The following MRO variants were observed in gnomAD, a reference collection of about 807,000 sequenced individuals.
MRO encodes protein maestro.
MRO carries 28 observed loss-of-function variants against 31.0 expected under a neutral mutation model. The ratio of observed to expected loss-of-function variants is 0.90; its 90% CI spans 0.67 to 1.24. MRO has a LOEUF of 1.24. Among genes scored for constraint, MRO ranks in the 50% most tolerant of loss-of-function variants. The pLI is 0.00. For missense variants in MRO, 332 were observed against 289.2 expected (o/e 1.15, Z -1.07); for synonymous variants, 108 against 108.4 (o/e 1.00, Z 0.02).
At chr18:50,818,898 C>T (rs1300837328) in intron 2 of MRO, among the ~76,000 whole-genome samples, 2 of 151,928 alleles carry the variant, frequency 1.3e-5, no homozygotes, top group Non-Finnish European at 2.9e-5. Flanking sequence ...ACTAAAAATA[C>T]AAAAATTAGC....
intron 4 of MRO, 88 bp from the exon 5 acceptor site, chr18:50,805,424 C>T (rs1913829572): frequency 1.9e-6 from 2 of 1,040,836 alleles, no homozygotes; most frequent in East Asian, 5.0e-5. Context: ...TACTAATAAC[C>T]TAGGACTTGA....
intron 5 of MRO, among the ~76,000 whole-genome samples, chr18:50,803,637 C>T (rs907749813): frequency 3.9e-5 from 6 of 152,196 alleles, no homozygotes; most frequent in Admixed American, 1.3e-4. Flanking sequence ...GACCTTCGCC[C>T]GCTCCCTCCC....
chr18:50,815,334 G>C (rs1197343824), intron 2 of MRO: 1 of 269,594 alleles, frequency 3.7e-6, no homozygotes, highest in African/African-American at 2.3e-5. Context: ...TTTTGCCGTG[G>C]TGGGAACTTT....
upstream of MRO, chr18:50,823,827 CA>C: frequency 4.9e-6 from 1 of 206,168 alleles, no homozygotes; most frequent in Non-Finnish European, 1.0e-5. Flanking sequence ...ATTGGTGGCC[CA>C]AAAATGTGTT....
chr18:50,799,800 A>C (rs1208988161), intron 7 of MRO, among the ~76,000 whole-genome samples: 1 of 152,140 alleles, frequency 6.6e-6, no homozygotes, highest in African/African-American at 2.4e-5. Flanking sequence ...AATCTCAGCT[A>C]CTCAAGAAGC....
intron 2 of MRO, among the ~76,000 whole-genome samples, chr18:50,810,588 C>T (rs941954737): frequency 6.6e-6 from 1 of 152,174 alleles, no homozygotes; most frequent in Non-Finnish European, 1.5e-5. Context: ...ATATGTACAG[C>T]TTGTAATTTT....
At chr18:50,822,379 G>C (rs139530314), upstream of MRO, among the ~76,000 whole-genome samples, 21,384 of 152,024 alleles carry the variant, frequency 0.14, 1,498 homozygotes, top group Middle Eastern at 0.16. Flanking sequence ...CACTCTGTCA[G>C]CCAGGCTGGA....
At chr18:50,806,091 T>C (rs1445454454) in intron 4 of MRO, among the ~76,000 whole-genome samples, 1 of 151,940 alleles carries the variant, frequency 6.6e-6, no homozygotes, top group Admixed American at 6.6e-5. Flanking sequence ...GCCTGGGCAA[T>C]TTTTTGTATT....
At position 50,802,898 on chromosome 18, in the gene MRO, T is replaced by TTGTGTG. The variant is rs147321917; in HGVS notation, c.430-1395_430-1394insCACACA. ...TCTTCATGGCTCTATTAGTGAGTGTTTGTGTATGTGTGTGTGTAGTGTGTG... is the reference window on the plus strand; with the variant it reads ...TCTTCATGGCTCTATTAGTGAGTGTTTGTGTGTGTGTATGTGTGTGTGTAGTGTGTG... On this transcript the variant is annotated intron_variant, in intron 5 of 7. Transcript: ENST00000398439. 1.7e-4 allele frequency among the ~76,000 whole-genome samples: 23 copies of TTGTGTG among 134,808 alleles called. 1 individual carries two copies. The highest frequency in any genetic ancestry group is 6.4e-4 in the African/African-American group (22 of 34,174). 88.4% of individuals were successfully genotyped at this position (134,808 alleles called of 152,430 possible).
At chr18:50,821,350 A>C (rs1915295258), upstream of MRO, among the ~76,000 whole-genome samples, 2 of 152,194 alleles carry the variant, frequency 1.3e-5, no homozygotes, top group African/African-American at 4.8e-5. Context: ...AGAGATGAAG[A>C]TACATCAACA....
chr18:50,799,459 AG>A, intron 7 of MRO, 69 bp from the exon 8 acceptor site: 1 of 1,343,224 alleles, frequency 7.4e-7, no homozygotes, highest in Admixed American at 1.7e-5. Context: ...TGTAACTAGT[AG>A]GCAGTGATCA....
chr18:50,805,054 G>C, intron 5 of MRO, 100 bp downstream of exon 5: 1 of 979,804 alleles, frequency 1.0e-6, no homozygotes. Flanking sequence ...GCCTCCCAAA[G>C]TGCTGAGATT....
chr18:50,813,493 T>C (rs1455677734), intron 2 of MRO, among the ~76,000 whole-genome samples: 2 of 152,232 alleles, frequency 1.3e-5, no homozygotes, highest in African/African-American at 2.4e-5. Context: ...TTCCCAGGCC[T>C]AGGCCCCAGA....
At chr18:50,806,884 A>G in intron 3 of MRO, 34 bp from the exon 4 acceptor site, 1 of 1,608,572 alleles carries the variant, frequency 6.2e-7, no homozygotes, top group Non-Finnish European at 8.5e-7. Flanking sequence ...TTAATTTGGG[A>G]GTGTTCAGAG....
upstream of MRO, chr18:50,820,170 G>A (rs1413587056): frequency 5.0e-6 from 3 of 598,414 alleles, no homozygotes; most frequent in Non-Finnish European, 8.9e-6. Flanking sequence ...AATCCTGTTA[G>A]AGCGCATTTA....
intron 5 of MRO, among the ~76,000 whole-genome samples, chr18:50,803,436 G>T (rs556129514): frequency 6.0e-4 from 92 of 152,168 alleles, no homozygotes; most frequent in African/African-American, 2.0e-3. Flanking sequence ...GAGCCTGGGA[G>T]GTTGAGGCTG....
intron 5 of MRO, among the ~76,000 whole-genome samples, chr18:50,803,791 G>T (rs1393385496): frequency 6.6e-6 from 1 of 152,216 alleles, no homozygotes; most frequent in African/African-American, 2.4e-5. Context: ...GACACATCTG[G>T]CTCTCGCCAC....
upstream of MRO, among the ~76,000 whole-genome samples, chr18:50,824,829 C>A (rs1915451708): frequency 6.7e-6 from 1 of 148,954 alleles, no homozygotes; most frequent in Non-Finnish European, 1.5e-5. Flanking sequence ...AATCCCCACA[C>A]TTTGGGAGGC....
intron 2 of MRO, among the ~76,000 whole-genome samples, chr18:50,810,025 G>T (rs1180773108): frequency 6.6e-6 from 1 of 152,188 alleles, no homozygotes; most frequent in African/African-American, 2.4e-5. Flanking sequence ...GAGTGCAGTG[G>T]CAGGAACACA....
Sources: allele counts gnomAD v4.1 joint callset (sites outside exome capture counted in the v4.1 genomes callset), GRCh38; gene constraint gnomAD v4.1.1; transcripts MANE v1.5; gene names NCBI Gene and HGNC (gene_info 2026-07-23, HGNC 2026-07-21).